Variants in SLC26A11 observed in about 807,000 individuals in gnomAD.
SLC26A11 encodes the protein sodium-independent sulfate anion transporter.
SLC26A11 carries 58 observed loss-of-function variants against 62.2 expected under a neutral mutation model. The ratio of observed to expected loss-of-function variants is 0.93; its 90% CI spans 0.76 to 1.16. SLC26A11 has a LOEUF of 1.16. SLC26A11 is among the 50% of genes most tolerant of loss of function. The pLI is 0.00. For missense variants in SLC26A11, 790 were observed against 794.3 expected, an observed-to-expected ratio of 0.99 and a Z score of 0.06; for synonymous variants, 411 against 368.9, an observed-to-expected ratio of 1.11 and a Z score of -1.31.
chr17:80,224,362 G>GA (rs1567944157), intron 5 of SLC26A11, among the ~76,000 whole-genome samples: 1 of 108,046 alleles, frequency 9.3e-6, no homozygotes, highest in East Asian at 2.7e-4. Flanking sequence ...TGGGTGTGAG[G>GA]GAGTGTGAGT....
rs754924387 is a variant in SLC26A11 at position 80,222,663 on chromosome 17, C to G, written c.243C>G (p.Leu81=). The change falls in exon 4 of 18, where the codon CTC becomes CTG. Residue 81 remains leucine, a synonymous_variant. Coordinates refer to ENST00000361193, the MANE Select transcript of SLC26A11 (RefSeq NM_001166347.2). This position sits in a 1 kb window ranked among gnomAD's most constrained non-coding sequence, Gnocchi z 4.7. The part of the protein sequence containing the change: ...EVAGLPPQYG[L]YSAFMGCFVY... The stretch of plus-strand genomic sequence containing the variant: ...ACCCTCTCTCCCCACAGTATGGCCT[C>G]TACTCTGCCTTCATGGGCTGCTTCG... 1 of 1,614,120 alleles carries G rather than the reference C, an allele frequency of 6.2e-7. No homozygotes were observed. The highest frequency in any genetic ancestry group is 8.5e-7 in the Non-Finnish European group (1 of 1,179,982).
intron 7 of SLC26A11, among the ~76,000 whole-genome samples, chr17:80,230,728 ACAGAAACTT>A (rs2042542985): frequency 6.6e-6 from 1 of 152,188 alleles, no homozygotes; most frequent in Non-Finnish European, 1.5e-5. Context: ...ATCGTAATGT[ACAGAAACTT>A]CAGAAACATT....
chr17:80,232,575 T>A (rs2042591901), intron 7 of SLC26A11, among the ~76,000 whole-genome samples: 1 of 152,182 alleles, frequency 6.6e-6, no homozygotes, highest in African/African-American at 2.4e-5. Flanking sequence ...TTTAATTGAT[T>A]TGTGTTCTTG....
chr17:80,240,563 G>C (rs2042832790), intron 9 of SLC26A11, among the ~76,000 whole-genome samples: 1 of 152,110 alleles, frequency 6.6e-6, no homozygotes, highest in Admixed American at 6.5e-5. Context: ...AGCACTTTGG[G>C]AGGCCAAGGT....
intron 7 of SLC26A11, among the ~76,000 whole-genome samples, chr17:80,232,543 C>T (rs575435050): frequency 9.5e-4 from 144 of 152,286 alleles, no homozygotes; most frequent in African/African-American, 3.1e-3. Context: ...ACCCAGCCTC[C>T]TATCTTTTTA....
chr17:80,224,676 C>T (rs1164562401), intron 5 of SLC26A11, among the ~76,000 whole-genome samples: 1 of 152,142 alleles, frequency 6.6e-6, no homozygotes, highest in African/African-American at 2.4e-5. Flanking sequence ...TTGGCAAATG[C>T]TGTTTCAGGG....
chr17:80,221,428 C>G (rs2042184321), intron 2 of SLC26A11, 120 bp from the exon 3 acceptor site: 1 of 689,622 alleles, frequency 1.5e-6, no homozygotes, highest in African/African-American at 1.8e-5. Context: ...AGCCGTTCGC[C>G]CCCCTGGGGA....
At position 80,247,267 on chromosome 17, in the gene SLC26A11, C is replaced by T. The variant is rs193298724; in HGVS notation, c.1294+618C>T. On this transcript the variant is annotated intron_variant, in intron 13 of 17. Coordinates refer to ENST00000361193, the MANE Select transcript of SLC26A11 (RefSeq NM_001166347.2). ...CTTTCTACACAGACACGGCAACCAT[C>T]CGATTTCTCAATCTTTTCCCCACCT... 2.0e-3 allele frequency among the ~76,000 whole-genome samples: 301 copies of T among 152,118 alleles called. 3 individuals carry two copies. Among genetic ancestry groups the T allele is most frequent in the African/African-American group, 6.8e-3 (283 of 41,496 alleles).
rs1471927162 is a variant in SLC26A11, at chr17:80,230,002, GAAACCAGCTTGGCC to G, written c.736+2048_736+2061del. On this transcript the variant is annotated intron_variant, in intron 7 of 17. Transcript: ENST00000361193. ...GCAGATCACCTGAGGTCAGGAGTTT[GAAACCAGCTTGGCC>G]AAACCCCGTCTCTACTAAAAATACA... is the stretch of plus-strand genomic sequence containing the variant. 2.0e-5 allele frequency among the ~76,000 whole-genome samples: 3 copies of G among 152,094 alleles called. No individual in the cohort carries two copies. The East Asian group carries it at 5.8e-4, about 30-fold the overall frequency.
At chr17:80,240,259 C>T (rs926857807) in intron 9 of SLC26A11, among the ~76,000 whole-genome samples, 8 of 152,110 alleles carry the variant, frequency 5.3e-5, no homozygotes, top group East Asian at 3.9e-4. Flanking sequence ...CCCAGCTCCT[C>T]GGGAGGCTGA....
At chr17:80,237,349 AC>A in intron 8 of SLC26A11, 172 bp from the exon 9 acceptor site, 1 of 747,448 alleles carries the variant, frequency 1.3e-6, no homozygotes, top group Non-Finnish European at 2.2e-6. Context: ...GGATGAATTT[AC>A]CGTGTTCCTC....
rs2042473762 is a variant in SLC26A11, at chr17:80,228,396, G to A, written c.736+436G>A. Among the ~76,000 whole-genome samples, 2 of 152,210 alleles carry A rather than the reference G, an allele frequency of 1.3e-5. No homozygotes were observed. Among genetic ancestry groups the A allele is most frequent in the Admixed American group, 6.5e-5 (1 of 15,274 alleles). On this transcript the variant is annotated intron_variant, in intron 7 of 17. Coordinates refer to ENST00000361193, the MANE Select transcript of SLC26A11 (RefSeq NM_001166347.2). This position sits in a 1 kb window ranked among gnomAD's most constrained non-coding sequence, Gnocchi z 4.1. ...GATCTGCCTGCCTCGGCCTCCCGAAGTGCTGGGATTACAGGCATGAGCCAC... is the reference window on the plus strand; with the variant it reads ...GATCTGCCTGCCTCGGCCTCCCGAAATGCTGGGATTACAGGCATGAGCCAC...
intron 7 of SLC26A11, among the ~76,000 whole-genome samples, chr17:80,230,314 C>T (rs1321004723): frequency 6.6e-6 from 1 of 151,780 alleles, no homozygotes; most frequent in Non-Finnish European, 1.5e-5. Flanking sequence ...GGGGAGACAG[C>T]GAAAGGCTCA....
At chr17:80,241,370 C>CTG (rs1304467209) in intron 9 of SLC26A11, among the ~76,000 whole-genome samples, 1 of 152,206 alleles carries the variant, frequency 6.6e-6, no homozygotes, top group Admixed American at 6.5e-5. Context: ...AACCATCCTC[C>CTG]CGCCTCAGCG....
chr17:80,253,070 C>T lies in SLC26A11; in HGVS notation c.*354C>T, dbSNP rs74000689. ...CATCCTGGGGCTGGCAGCACCTTCC[C>T]GGCTCACCAGTGCCACCTGCGGGGG... On this transcript the variant is annotated 3_prime_UTR_variant, in exon 18 of 18. Coordinates refer to ENST00000361193, the MANE Select transcript of SLC26A11 (RefSeq NM_001166347.2). 8,045 of 168,728 alleles carry T rather than the reference C, an allele frequency of 0.048. 450 individuals carry two copies. The highest frequency in any genetic ancestry group is 0.14 in the African/African-American group (5,990 of 41,872). The allele number at this position is 168,728 out of a possible 1,614,324, so 10.5% of individuals were successfully genotyped here.
intron 10 of SLC26A11, among the ~76,000 whole-genome samples, chr17:80,242,269 G>T (rs752292842): frequency 6.6e-6 from 1 of 152,150 alleles, no homozygotes; most frequent in Non-Finnish European, 1.5e-5. Flanking sequence ...GAGCTACTGC[G>T]CCTGGCTCTT....
Position 80,223,180 on chromosome 17 carries a change from C to T in SLC26A11, c.428-72C>T, listed in dbSNP as rs1474138652. ...TCCCACCCATTGCCACCTTCCCCAG[C>T]TCACATCTCCCCTCATCCTCTGGGA... On this transcript the variant is annotated intron_variant, in intron 4 of 17. Coordinates refer to ENST00000361193, the MANE Select transcript of SLC26A11 (RefSeq NM_001166347.2). This position sits in a 1 kb window ranked among gnomAD's most constrained non-coding sequence, Gnocchi z 4.6. 9 of 1,418,436 alleles carry T rather than the reference C, an allele frequency of 6.3e-6. No individual in the cohort carries two copies. The highest frequency in any genetic ancestry group is 4.0e-6 in the Non-Finnish European group (4 of 1,008,358). 87.9% of individuals were successfully genotyped at this position (1,418,436 alleles called of 1,614,324 possible). A position where few individuals can be genotyped will look rare whatever the true frequency, so the allele number is the denominator to read the frequency against.
chr17:80,232,768 C>T (rs919362247), intron 7 of SLC26A11, among the ~76,000 whole-genome samples: 3 of 152,018 alleles, frequency 2.0e-5, no homozygotes, highest in Admixed American at 2.0e-4. Context: ...GTTCCCTTTT[C>T]CCCCTCCTTC....
At chr17:80,245,312 A>G (rs1471074439) in intron 11 of SLC26A11, 56 bp downstream of exon 11, 5 of 1,576,992 alleles carry the variant, frequency 3.2e-6, no homozygotes, top group Non-Finnish European at 4.4e-6. Context: ...TAACGTTGTT[A>G]CGCTGACAAG....
Sources: allele counts gnomAD v4.1 joint callset (sites outside exome capture counted in the v4.1 genomes callset), GRCh38; gene constraint gnomAD v4.1.1; non-coding constraint Gnocchi (gnomAD v3.1); transcripts MANE v1.5; gene names NCBI Gene and HGNC (gene_info 2026-07-23, HGNC 2026-07-21).